Variants in F11 observed in about 807,000 individuals in gnomAD.
F11 encodes coagulation factor XI.
A neutral mutation model predicts 76.5 loss-of-function variants in F11; 78 were observed. That is an observed-to-expected ratio of 1.02 (90% confidence interval 0.85 to 1.23). The LOEUF (loss-of-function observed/expected upper bound fraction) is 1.23, where lower values mean the gene tolerates loss of function less well. Ranked by LOEUF, F11 falls within the 50% of genes most tolerant of loss-of-function variation. The probability of loss-of-function intolerance (pLI) is 0.00; values close to 1 mark genes in which losing one functional copy is unlikely to be tolerated. For synonymous variants in F11, 278 were observed against 276.3 expected (o/e 1.01, Z -0.06); for missense variants, 742 against 771.4 (o/e 0.96, Z 0.45).
intron 10 of F11, 88 bp from the exon 11 acceptor site, chr4:186,284,004 A>G (rs1481368991): frequency 1.5e-5 from 24 of 1,603,472 alleles, no homozygotes; most frequent in Non-Finnish European, 8.5e-7. Flanking sequence ...TGACTTGAGG[A>G]AAGGTTTTCT....
chr4:186,283,348 G>T (rs1018973664), intron 10 of F11, among the ~76,000 whole-genome samples: 1 of 152,096 alleles, frequency 6.6e-6, no homozygotes, highest in African/African-American at 2.4e-5. Context: ...GGGTTCTTGT[G>T]TCGGGCATCC....
chr4:186,282,758 G>C, intron 10 of F11: 1 of 985,336 alleles, frequency 1.0e-6, no homozygotes, highest in Non-Finnish European at 1.2e-6. Flanking sequence ...GCTCTAAAAT[G>C]AGAGCCTCTG....
chr4:186,287,587 T>TA, intron 13 of F11, 97 bp from the exon 14 acceptor site: 1 of 453,604 alleles, frequency 2.2e-6, no homozygotes, highest in Non-Finnish European at 3.2e-6. Flanking sequence ...CCGTCTCAAT[T>TA]AAAAATATAT....
rs763695404 is a variant in F11 at position 186,286,424 on chromosome 4, G to A, written c.1490G>A (p.Arg497Gln). 15 of 1,613,658 alleles carry A rather than the reference G, an allele frequency of 9.3e-6. No homozygotes were observed. The highest frequency in any genetic ancestry group is 3.3e-5 in the South Asian group (3 of 91,016). The change falls in exon 13 of 15, where the codon CGA becomes CAA. Residue 497 changes from arginine (R) to glutamine (Q), a missense_variant. By Grantham distance (43) the Arg-to-Gln change is conservative. Coordinates refer to ENST00000403665, the MANE Select transcript of F11 (RefSeq NM_000128.4). The part of the protein sequence containing the change: ...ETTVNYTDSQ[R>Q]PICLPSKGDR... ...GATTTTTTAAATTTAGATTCTCAAC[G>A]ACCCATATGCCTGCCTTCCAAAGGA...
At chr4:186,272,595 C>T (rs1467205800) in intron 3 of F11, among the ~76,000 whole-genome samples, 1 of 152,142 alleles carries the variant, frequency 6.6e-6, no homozygotes, top group Non-Finnish European at 1.5e-5. Context: ...ATGTAGCACC[C>T]AGAACTTATA....
intron 7 of F11, among the ~76,000 whole-genome samples, 166 bp downstream of exon 7, chr4:186,276,556 C>G (rs915474846): frequency 6.6e-6 from 1 of 150,452 alleles, no homozygotes; most frequent in Non-Finnish European, 1.5e-5. Flanking sequence ...CACCTACTTA[C>G]CACAAACCCA....
rs372411733 is a variant in F11, at chr4:186,268,336, T to A, written c.55+1145T>A. 8.5e-5 allele frequency among the ~76,000 whole-genome samples: 13 copies of A among 152,168 alleles called. 1 individual carries two copies. Among genetic ancestry groups the A allele is most frequent in the African/African-American group, 1.9e-4 (8 of 41,438 alleles). On this transcript the variant is annotated intron_variant, in intron 2 of 14. Transcript: ENST00000403665. ...ACTATGCCATTTTCTATCAGGGACT[T>A]GAGCGTTCATGGATTTTGGTATCTG...
chr4:186,288,309 G>A (rs2126790426), intron 14 of F11, 144 bp from the exon 15 acceptor site: 1 of 923,646 alleles, frequency 1.1e-6, no homozygotes, highest in East Asian at 2.4e-5. Context: ...AGATTGACTG[G>A]ATGAACGCAA....
chr4:186,275,427 G>A (rs1043613044), intron 5 of F11, among the ~76,000 whole-genome samples: 6 of 152,100 alleles, frequency 3.9e-5, no homozygotes, highest in African/African-American at 1.4e-4. Flanking sequence ...CCCAGGAGGC[G>A]GAGGTTGCAG....
intron 13 of F11, chr4:186,286,729 A>G: frequency 1.0e-6 from 1 of 981,936 alleles, no homozygotes; most frequent in Non-Finnish European, 1.2e-6. Context: ...TTAAAGACTA[A>G]TTATATTTAA....
chr4:186,269,335 A>G (rs993750219), intron 2 of F11, among the ~76,000 whole-genome samples: 13 of 152,274 alleles, frequency 8.5e-5, no homozygotes, highest in Admixed American at 2.6e-4. Context: ...ACTAACCCAA[A>G]GGTGGAAGCA....
Position 186,271,603 on chromosome 4 carries a change from T to C in F11, c.56-6T>C, listed in dbSNP as rs374122923. 9.2e-5 allele frequency: 148 copies of C among 1,613,988 alleles called. No individual in the cohort carries two copies. Among genetic ancestry groups the C allele is most frequent in the Middle Eastern group, 1.6e-4 (1 of 6,082 alleles). ...AACATAACGCATGCCATGTACTACA[T>C]CACAGAATGTGTGACTCAGTTGTTG... On this transcript the variant is annotated splice_polypyrimidine_tract_variant and splice_region_variant and intron_variant, in intron 2 of 14. Transcript: ENST00000403665.
intron 5 of F11, among the ~76,000 whole-genome samples, chr4:186,275,354 G>A (rs1216656665): frequency 6.6e-6 from 1 of 152,152 alleles, no homozygotes; most frequent in East Asian, 1.9e-4. Flanking sequence ...AATTAGCCAG[G>A]CGCGGTGGTG....
At chr4:186,275,206 CTT>C (rs1451012841) in intron 5 of F11, 1 of 456,434 alleles carries the variant, frequency 2.2e-6, no homozygotes, top group East Asian at 7.0e-5. Context: ...GTAAGAAGGA[CTT>C]AGCCAGGCGC....
chr4:186,266,761 A>G (rs1212472510), intron 1 of F11, among the ~76,000 whole-genome samples: 1 of 152,214 alleles, frequency 6.6e-6, no homozygotes, highest in Non-Finnish European at 1.5e-5. Flanking sequence ...TCAAGGAAAG[A>G]AAGAAAGGAA....
intron 5 of F11, chr4:186,274,816 A>C (rs1041574730): frequency 8.5e-5 from 15 of 175,794 alleles, no homozygotes; most frequent in Admixed American, 4.5e-4. Flanking sequence ...TTACTAGGGA[A>C]ATAGATTATT....
At position 186,280,211 on chromosome 4, in the gene F11, T is replaced by C. The variant is rs1740693947; in HGVS notation, c.866-12T>C. ...GGGAGGGTCTCACTCTGACATGTGG[T>C]CTGCTGTCTAGTGTTCTGCCATTCT... is the stretch of plus-strand genomic sequence containing the variant. On this transcript the variant is annotated splice_polypyrimidine_tract_variant and intron_variant, in intron 8 of 14. Coordinates refer to ENST00000403665, the MANE Select transcript of F11 (RefSeq NM_000128.4). The C allele has an allele frequency of 1.2e-6, 2 of 1,614,136 alleles. No homozygotes were observed. The highest frequency in any genetic ancestry group is 1.7e-6 in the Non-Finnish European group (2 of 1,180,028).
intron 10 of F11, chr4:186,282,534 A>C: frequency 1.0e-6 from 1 of 985,420 alleles, no homozygotes; most frequent in Non-Finnish European, 1.2e-6. Flanking sequence ...TTACCACAAA[A>C]TATGATTCTA....
chr4:186,279,337 G>A (rs1166284348), intron 7 of F11, among the ~76,000 whole-genome samples: 4 of 151,930 alleles, frequency 2.6e-5, no homozygotes, highest in South Asian at 2.1e-4. Context: ...AGCCAAGATC[G>A]CGACACTGCA....
Sources: allele counts gnomAD v4.1 joint callset (sites outside exome capture counted in the v4.1 genomes callset), GRCh38; gene constraint gnomAD v4.1.1; transcripts MANE v1.5; gene names NCBI Gene and HGNC (gene_info 2026-07-23, HGNC 2026-07-21).